ADGRL2: variants seen among roughly 807,000 people sequenced by gnomAD.
The protein encoded by ADGRL2 is calcium-independent alpha-latrotoxin receptor 2.
ADGRL2 carries 44 observed loss-of-function variants against 157.4 expected under a neutral mutation model. The observed-to-expected ratio is 0.28, with a 90% CI of 0.22 to 0.36. ADGRL2 has a LOEUF of 0.36. Ranked by LOEUF, ADGRL2 falls within the 10% of genes least tolerant of loss-of-function variation. The pLI, the probability that ADGRL2 is intolerant of heterozygous loss-of-function variation, is 1.00. For missense variants in ADGRL2, 1,510 were observed against 1,768.9 expected (o/e 0.85, Z 2.63); for synonymous variants, 585 against 624.7 (o/e 0.94, Z 0.95).
chr1:81,518,684 T>C (rs555568247), intron 2 of ADGRL2, among the ~76,000 whole-genome samples: 1 of 152,220 alleles, frequency 6.6e-6, no homozygotes, highest in South Asian at 2.1e-4. Context: ...AGTTTCTTCA[T>C]CTGTAAAGTG....
At chr1:81,550,173 A>T (rs1397755124) in intron 2 of ADGRL2, among the ~76,000 whole-genome samples, 1 of 152,210 alleles carries the variant, frequency 6.6e-6, no homozygotes, top group Non-Finnish European at 1.5e-5. Context: ...TCAATGCCTT[A>T]TATTGCAAGA....
chr1:81,743,116 G>A (rs544381281), intron 1 of ADGRL2, among the ~76,000 whole-genome samples: 1 of 152,090 alleles, frequency 6.6e-6, no homozygotes, highest in African/African-American at 2.4e-5. Context: ...GAGAAAGCTA[G>A]CCTTTTACAG....
intron 2 of ADGRL2, among the ~76,000 whole-genome samples, chr1:81,476,116 A>C (rs2078266233): frequency 6.6e-6 from 1 of 152,012 alleles, no homozygotes; most frequent in Non-Finnish European, 1.5e-5. Flanking sequence ...TAGACACTTA[A>C]ATATATGGGT....
intron 3 of ADGRL2, among the ~76,000 whole-genome samples, chr1:81,591,651 A>G (rs998936743): frequency 2.0e-5 from 3 of 152,152 alleles, no homozygotes; most frequent in Non-Finnish European, 2.9e-5. Context: ...CCAGCAGAAT[A>G]TGACAAAAGT....
At chr1:81,836,651 G>T (rs2092297518) in intron 1 of ADGRL2, among the ~76,000 whole-genome samples, 1 of 151,970 alleles carries the variant, frequency 6.6e-6, no homozygotes, top group African/African-American at 2.4e-5. Context: ...GCATTATTTT[G>T]CCATGTACAA....
Position 81,966,565 on chromosome 1 carries a change from G to C in ADGRL2, c.2305G>C (p.Val769Leu), listed in dbSNP as rs1572412403. 3 of 1,614,008 alleles carry C rather than the reference G, an allele frequency of 1.9e-6. No individual in the cohort carries two copies. The highest frequency in any genetic ancestry group is 2.5e-6 in the Non-Finnish European group (3 of 1,180,018). ...TTCAATCAATAAAGAGTCCAGCCGA[G>C]TATACCTGACTGATCCTGTGCTTTT... ...SVSINKESSRVYLTDPVLFTL... is the reference protein window; with the variant it reads ...SVSINKESSRLYLTDPVLFTL... Residue 769 changes from valine (V) to leucine (L), a missense_variant, in exon 13 of 24, where the codon GTA becomes CTA. By Grantham distance (32) the Val-to-Leu change is conservative. Around this residue, in one of 4 missense-constraint regions of ADGRL2, gnomAD observed 497 missense variants for 627.2 expected, o/e 0.79. Coordinates refer to ENST00000686636, the MANE Select transcript of ADGRL2 (RefSeq NM_001366006.2).
chr1:81,650,645 G>A (rs1204665322), intron 3 of ADGRL2, among the ~76,000 whole-genome samples: 1 of 151,716 alleles, frequency 6.6e-6, no homozygotes, highest in Non-Finnish European at 1.5e-5. Context: ...TAAATGTGAC[G>A]ATCAAGCCCT....
chr1:81,664,614 A>C, intron 3 of ADGRL2, among the ~76,000 whole-genome samples: 1 of 152,188 alleles, frequency 6.6e-6, no homozygotes, highest in East Asian at 1.9e-4. Flanking sequence ...TGCCTTGCTT[A>C]CCAGATAGTG....
At chr1:81,739,791 C>T (rs2149217017) in intron 1 of ADGRL2, among the ~76,000 whole-genome samples, 1 of 152,324 alleles carries the variant, frequency 6.6e-6, no homozygotes, top group Non-Finnish European at 1.5e-5. Context: ...GATAAGATAA[C>T]ACCCTTTCTT....
Position 81,943,724 on chromosome 1 carries a change from A to G in ADGRL2, c.1165A>G (p.Ile389Val). 1 of 1,613,478 alleles carries G rather than the reference A, an allele frequency of 6.2e-7. No individual in the cohort carries two copies. The highest frequency in any genetic ancestry group is 8.5e-7 in the Non-Finnish European group (1 of 1,179,590). Residue 389 changes from isoleucine (I) to valine (V), a missense_variant, in exon 6 of 24, where the codon ATT (isoleucine) becomes GTT (valine). This residue lies in a region of ADGRL2 where 361 missense variants were observed against 498.4 expected (regional missense o/e 0.72). Transcript: ENST00000686636. The surrounding 1 kb of genome is among the most constrained non-coding windows in gnomAD (Gnocchi z 5.6). ...NQLYVWNNNF[I>V]LRYSLEFGPP... The stretch of plus-strand genomic sequence containing the variant: ...ACTTTACGTGTGGAACAATAACTTC[A>G]TTTTACGATATTCTCTGGAGTTTGG...
intron 1 of ADGRL2, among the ~76,000 whole-genome samples, chr1:81,383,642 T>A (rs2076380555): frequency 2.1e-5 from 3 of 144,282 alleles, no homozygotes; most frequent in Admixed American, 7.1e-5. Flanking sequence ...GAAAACAAGA[T>A]CTCTCCTAAA....
chr1:81,799,426 G>C (rs550431531), upstream of ADGRL2, among the ~76,000 whole-genome samples: 1 of 152,110 alleles, frequency 6.6e-6, no homozygotes, highest in Non-Finnish European at 1.5e-5. Context: ...TTTAATCTGA[G>C]AATTACAATG....
At chr1:81,493,856 T>G (rs2078681378) in intron 2 of ADGRL2, among the ~76,000 whole-genome samples, 1 of 152,122 alleles carries the variant, frequency 6.6e-6, no homozygotes, top group South Asian at 2.1e-4. Flanking sequence ...TATTCAAAAA[T>G]CCTGTTGCTT....
At chr1:81,981,049 A>G (rs953795890) in intron 18 of ADGRL2, 1 of 429,458 alleles carries the variant, frequency 2.3e-6, no homozygotes, top group Non-Finnish European at 4.4e-6. Context: ...AAATATATAA[A>G]TGCTTTCTTA....
chr1:81,621,716 A>G (rs548075137), intron 3 of ADGRL2, among the ~76,000 whole-genome samples: 1 of 152,338 alleles, frequency 6.6e-6, no homozygotes, highest in African/African-American at 2.4e-5. Context: ...TGTCTAAACT[A>G]TGCCTGGATT....
At chr1:81,390,827 A>G (rs927146233) in intron 1 of ADGRL2, among the ~76,000 whole-genome samples, 23 of 152,412 alleles carry the variant, frequency 1.5e-4, no homozygotes, top group African/African-American at 4.6e-4. Context: ...TCCACTGTGG[A>G]TGGACATTCA....
intron 11 of ADGRL2, among the ~76,000 whole-genome samples, chr1:81,956,324 T>G (rs998873673): frequency 9.9e-5 from 15 of 152,212 alleles, no homozygotes; most frequent in Non-Finnish European, 1.9e-4. Flanking sequence ...TAAGAGTGCC[T>G]AAATACCAGA....
upstream of ADGRL2, among the ~76,000 whole-genome samples, chr1:81,798,517 C>G (rs2087706608): frequency 6.6e-6 from 1 of 151,790 alleles, no homozygotes; most frequent in African/African-American, 2.4e-5. Flanking sequence ...TCTTTGAACT[C>G]TATAGAATAC....
intron 5 of ADGRL2, 93 bp from the exon 6 acceptor site, chr1:81,942,876 A>C (rs1648567762): frequency 1.1e-6 from 1 of 911,918 alleles, no homozygotes; most frequent in Non-Finnish European, 1.8e-6. Context: ...TAATAATATG[A>C]ATTTTTCCCT....
Sources: allele counts gnomAD v4.1 joint callset (sites outside exome capture counted in the v4.1 genomes callset), GRCh38; gene constraint gnomAD v4.1.1; regional missense constraint gnomAD v4.1.1; non-coding constraint Gnocchi (gnomAD v3.1); transcripts MANE v1.5; gene names NCBI Gene and HGNC (gene_info 2026-07-23, HGNC 2026-07-21).